Variants in IGSF11 observed in about 807,000 individuals in gnomAD.
IGSF11 encodes the protein CXADR like 1.
In IGSF11, 22 loss-of-function variants were observed where a neutral mutation model predicts 41.0. The ratio of observed to expected loss-of-function variants is 0.54; its 90% confidence interval spans 0.38 to 0.77. IGSF11 has a LOEUF of 0.77. Ranked by LOEUF, IGSF11 falls within the 30% of genes least tolerant of loss-of-function variation. IGSF11 has a pLI of 0.00. For synonymous variants in IGSF11, 219 were observed against 201.3 expected, an observed-to-expected ratio of 1.09 and a Z score of -0.74; for missense variants, 444 against 530.8, an observed-to-expected ratio of 0.84 and a Z score of 1.61.
At chr3:119,057,315 T>C (rs1443986607) in intron 1 of IGSF11, among the ~76,000 whole-genome samples, 3 of 152,010 alleles carry the variant, frequency 2.0e-5, no homozygotes, top group East Asian at 1.9e-4. Context: ...ACAAGCATTC[T>C]TATACACCAA....
At chr3:119,045,195 C>A (rs1941278050) in intron 1 of IGSF11, among the ~76,000 whole-genome samples, 1 of 152,248 alleles carries the variant, frequency 6.6e-6, no homozygotes, top group South Asian at 2.1e-4. Flanking sequence ...GTGAGCGACA[C>A]AGAATATGGG....
upstream of IGSF11, among the ~76,000 whole-genome samples, chr3:119,039,702 A>G (rs145265537): frequency 9.9e-4 from 151 of 152,202 alleles, no homozygotes; most frequent in Non-Finnish European, 1.8e-3. Context: ...GACCTCCTCA[A>G]TGTTTCTTGA....
chr3:119,111,665 C>T (rs1025720984), intron 1 of IGSF11, among the ~76,000 whole-genome samples: 1 of 152,272 alleles, frequency 6.6e-6, no homozygotes, highest in Admixed American at 6.5e-5. Flanking sequence ...AGGAGAGGCG[C>T]TCTGCTTTTT....
At chr3:119,055,110 T>A (rs1360533155) in intron 1 of IGSF11, among the ~76,000 whole-genome samples, 1 of 152,150 alleles carries the variant, frequency 6.6e-6, no homozygotes, top group Non-Finnish European at 1.5e-5. Flanking sequence ...GACCTGCAGC[T>A]GAGGGTCGTG....
chr3:119,124,519 G>A lies in IGSF11; in HGVS notation c.-13-19314C>T, dbSNP rs1314115752. On this transcript the variant is annotated intron_variant, in intron 1 of 7. Coordinates refer to the IGSF11 transcript ENST00000425327. ...TGACCTTAGAGTTCGAGACCAGCCT[G>A]GCCAACATGGTCATCAGAGTCTTTT... 2.0e-5 allele frequency among the ~76,000 whole-genome samples: 3 copies of A among 150,674 alleles called. No individual in the cohort carries two copies. In the East Asian group the frequency reaches 6.0e-4, roughly 30 times the overall value.
intron 1 of IGSF11, among the ~76,000 whole-genome samples, chr3:118,934,372 T>C (rs1943086155): frequency 6.6e-6 from 1 of 152,190 alleles, no homozygotes; most frequent in Admixed American, 6.5e-5. Flanking sequence ...AATTCACTTC[T>C]GGTTTTCCTC....
chr3:119,123,656 C>CTCAG (rs1401666690), intron 1 of IGSF11, among the ~76,000 whole-genome samples: 3 of 152,108 alleles, frequency 2.0e-5, no homozygotes, highest in African/African-American at 7.2e-5. Context: ...GGAAGCTCAG[C>CTCAG]ACAGAGAGAG....
chr3:118,926,359 GT>G (rs1942303230), intron 3 of IGSF11, 103 bp from the exon 4 acceptor site: 1 of 944,108 alleles, frequency 1.1e-6, no homozygotes, highest in Admixed American at 3.0e-5. Flanking sequence ...AGATTACACT[GT>G]TTTGGGAACA....
chr3:119,106,404 A>C (rs550615504), upstream of IGSF11, among the ~76,000 whole-genome samples: 2 of 152,110 alleles, frequency 1.3e-5, no homozygotes, highest in African/African-American at 2.4e-5. Context: ...TATACCCTCT[A>C]TCTCCACAAG....
intron 1 of IGSF11, among the ~76,000 whole-genome samples, chr3:118,938,162 G>C (rs1268636733): frequency 1.3e-5 from 2 of 152,232 alleles, no homozygotes; most frequent in East Asian, 3.9e-4. Flanking sequence ...TAACTCAGCA[G>C]TATCTCCAAA....
chr3:118,905,266 G>T (rs76826474), intron 5 of IGSF11, among the ~76,000 whole-genome samples: 2 of 151,954 alleles, frequency 1.3e-5, no homozygotes, highest in Admixed American at 1.3e-4. Flanking sequence ...GCAGATAAAA[G>T]AAACAAGGAA....
chr3:119,081,363 T>C (rs2076583144), intron 1 of IGSF11, among the ~76,000 whole-genome samples: 1 of 152,172 alleles, frequency 6.6e-6, no homozygotes, highest in South Asian at 2.1e-4. Context: ...CTTTTTCCCA[T>C]TCTATTTCTT....
upstream of IGSF11, among the ~76,000 whole-genome samples, chr3:119,035,320 G>A (rs146283507): frequency 1.5e-3 from 228 of 152,306 alleles, 1 homozygote; most frequent in African/African-American, 5.4e-3. Context: ...GAAAGAACCT[G>A]ACTCTGGCAG....
intron 1 of IGSF11, among the ~76,000 whole-genome samples, chr3:118,999,228 A>G (rs1294383403): frequency 6.6e-6 from 1 of 152,114 alleles, no homozygotes; most frequent in Non-Finnish European, 1.5e-5. Flanking sequence ...GAGCCATATA[A>G]ATATATTAGC....
chr3:119,017,033 G>T (rs1465983682), intron 1 of IGSF11, among the ~76,000 whole-genome samples: 1 of 120,004 alleles, frequency 8.3e-6, no homozygotes, highest in Admixed American at 9.4e-5. Context: ...TTAAATGGAC[G>T]CAGGACAAAA....
intron 1 of IGSF11, among the ~76,000 whole-genome samples, chr3:118,961,561 T>C (rs1402522749): frequency 1.3e-5 from 2 of 152,242 alleles, no homozygotes; most frequent in Non-Finnish European, 1.5e-5. Flanking sequence ...AGAAATTGCA[T>C]AGAAAAATAA....
intron 1 of IGSF11, among the ~76,000 whole-genome samples, chr3:119,088,840 T>G (rs1217873910): frequency 6.6e-6 from 1 of 151,908 alleles, no homozygotes; most frequent in Non-Finnish European, 1.5e-5. Flanking sequence ...ATTAGAAAAT[T>G]TAGAGGAAAT....
intron 1 of IGSF11, among the ~76,000 whole-genome samples, chr3:119,032,184 G>A (rs1353515253): frequency 6.6e-6 from 1 of 152,084 alleles, no homozygotes; most frequent in East Asian, 1.9e-4. Context: ...TCATTGTAGT[G>A]GCCACTGCTA....
chr3:118,966,631 G>A (rs1023856322), intron 1 of IGSF11, among the ~76,000 whole-genome samples: 20 of 152,082 alleles, frequency 1.3e-4, no homozygotes, highest in Non-Finnish European at 2.4e-4. Flanking sequence ...TATAAGGATC[G>A]CCAGGTTCGG....
Sources: gnomAD v4.1 joint callset for allele counts (sites outside exome capture counted in the v4.1 genomes callset) on GRCh38, gnomAD v4.1.1 for gene constraint, MANE v1.5 for transcripts, NCBI Gene and HGNC (gene_info 2026-07-23, HGNC 2026-07-21) for gene names.